TYW1: variants seen among roughly 807,000 people sequenced by gnomAD.
TYW1 encodes the protein tRNA-yW synthesizing protein 1 homolog.
In TYW1, 46 loss-of-function variants were observed where a neutral mutation model predicts 96.2. The ratio of observed to expected loss-of-function variants is 0.48; its 90% CI spans 0.38 to 0.61. TYW1 has a LOEUF of 0.61. TYW1 is among the 20% of genes least tolerant of loss of function. The pLI, the probability that TYW1 is intolerant of heterozygous loss-of-function variation, is 0.00. For missense variants in TYW1, 684 were observed against 909.6 expected, an observed-to-expected ratio of 0.75 and a Z score of 3.19; for synonymous variants, 274 against 323.0, an observed-to-expected ratio of 0.85 and a Z score of 1.63.
intron 15 of TYW1, among the ~76,000 whole-genome samples, chr7:67,219,611 T>C (rs1377211309): frequency 6.6e-6 from 1 of 152,228 alleles, no homozygotes; most frequent in South Asian, 2.1e-4. Context: ...GACTTAGTCT[T>C]GGTAGATTTC....
chr7:67,094,765 G>A (rs1220619200), intron 11 of TYW1, among the ~76,000 whole-genome samples: 1 of 151,854 alleles, frequency 6.6e-6, no homozygotes, highest in Non-Finnish European at 1.5e-5. Context: ...AAGAATGTGT[G>A]TTCTGAGCTC....
chr7:67,178,287 T>C (rs1799740461), intron 13 of TYW1, among the ~76,000 whole-genome samples: 1 of 152,228 alleles, frequency 6.6e-6, no homozygotes, highest in Non-Finnish European at 1.5e-5. Flanking sequence ...AGTAGTGTGT[T>C]CATACAATGT....
chr7:67,199,424 C>G (rs1444243371), intron 15 of TYW1, among the ~76,000 whole-genome samples: 1 of 152,260 alleles, frequency 6.6e-6, no homozygotes, highest in African/African-American at 2.4e-5. Flanking sequence ...TCCTTTGCAC[C>G]TGATAAGCTA....
intron 10 of TYW1, among the ~76,000 whole-genome samples, chr7:67,070,859 C>T (rs549022139): frequency 2.6e-5 from 4 of 152,170 alleles, no homozygotes; most frequent in East Asian, 1.9e-4. Flanking sequence ...TGGCCTGGCA[C>T]GGTGGCTCAT....
At position 67,142,198 on chromosome 7, in the gene TYW1, C is replaced by T. The variant is rs574283022; in HGVS notation, c.1698+24580C>T. On this transcript the variant is annotated intron_variant, in intron 13 of 15. Transcript: ENST00000359626. ...GCAGCCTTGAACCCCTGGGCTCAAA[C>T]AATCCTCCCACCTCAGTTGCCGGAG... Among the ~76,000 whole-genome samples, 4 of 151,286 alleles carry T rather than the reference C, an allele frequency of 2.6e-5. No individual in the cohort carries two copies. In the South Asian group the frequency reaches 8.4e-4, roughly 32 times the overall value.
At chr7:67,098,042 G>A in intron 11 of TYW1, among the ~76,000 whole-genome samples, 1 of 152,086 alleles carries the variant, frequency 6.6e-6, no homozygotes, top group Admixed American at 6.6e-5. Context: ...ATTCCAGTAT[G>A]AAGTATGAAT....
intron 15 of TYW1, among the ~76,000 whole-genome samples, chr7:67,217,637 T>G (rs1352291598): frequency 6.6e-6 from 1 of 152,180 alleles, no homozygotes; most frequent in African/African-American, 2.4e-5. Flanking sequence ...TCACACTGTT[T>G]TGATTATTAT....
intron 14 of TYW1, among the ~76,000 whole-genome samples, chr7:67,190,123 G>A (rs1378290743): frequency 6.6e-6 from 1 of 152,064 alleles, no homozygotes; most frequent in Non-Finnish European, 1.5e-5. Flanking sequence ...TGTGTGTAGT[G>A]CTCAATCCTT....
At chr7:67,089,324 G>C (rs578004556) in intron 11 of TYW1, 1 of 1,307,994 alleles carries the variant, frequency 7.6e-7, no homozygotes, top group African/African-American at 1.5e-5. Context: ...CTTTTGGGAG[G>C]GCCCTTCTCG....
chr7:67,112,796 C>T (rs994917816), intron 12 of TYW1, among the ~76,000 whole-genome samples: 3 of 152,202 alleles, frequency 2.0e-5, no homozygotes, highest in Non-Finnish European at 4.4e-5. Context: ...GTGGGAGGCA[C>T]AGGGGAGCCA....
chr7:67,010,866 A>T (rs1157060791), intron 4 of TYW1, among the ~76,000 whole-genome samples: 1 of 152,076 alleles, frequency 6.6e-6, no homozygotes, highest in East Asian at 1.9e-4. Context: ...AGGATTATAG[A>T]TATGCCCAGC....
At chr7:67,019,215 C>T (rs1298139879) in intron 6 of TYW1, among the ~76,000 whole-genome samples, 1 of 152,212 alleles carries the variant, frequency 6.6e-6, no homozygotes, top group Non-Finnish European at 1.5e-5. Flanking sequence ...TCTACAGGCT[C>T]ACACCTTCCC....
chr7:67,010,962 C>T (rs1244402114), intron 4 of TYW1, among the ~76,000 whole-genome samples: 1 of 152,096 alleles, frequency 6.6e-6, no homozygotes, highest in Non-Finnish European at 1.5e-5. Flanking sequence ...GGCAATCCAA[C>T]CAAAAGGTCA....
chr7:67,098,004 A>G (rs1321429200), intron 11 of TYW1, among the ~76,000 whole-genome samples: 2 of 152,070 alleles, frequency 1.3e-5, no homozygotes, highest in Non-Finnish European at 2.9e-5. Flanking sequence ...CCTGGCCTGT[A>G]GAAGTATTTT....
chr7:67,203,069 C>T (rs1584690790), intron 15 of TYW1, among the ~76,000 whole-genome samples: 1 of 152,190 alleles, frequency 6.6e-6, no homozygotes, highest in African/African-American at 2.4e-5. Context: ...GCCATCACCA[C>T]GACCCAGATA....
chr7:67,036,350 CAG>C (rs1315729463), intron 7 of TYW1, among the ~76,000 whole-genome samples: 2 of 152,082 alleles, frequency 1.3e-5, no homozygotes, highest in Non-Finnish European at 2.9e-5. Flanking sequence ...CTCCTCTAAT[CAG>C]AAGCAAAGAC....
intron 4 of TYW1, among the ~76,000 whole-genome samples, chr7:67,010,883 C>T (rs769085446): frequency 1.5e-4 from 23 of 152,062 alleles, no homozygotes; most frequent in Admixed American, 7.9e-4. Context: ...CAGCCCTCCC[C>T]GCTATTTTGA....
At chr7:67,080,701 T>C (rs1234937157) in intron 10 of TYW1, among the ~76,000 whole-genome samples, 1 of 152,120 alleles carries the variant, frequency 6.6e-6, no homozygotes, top group African/African-American at 2.4e-5. Context: ...ACCCAGCTGC[T>C]TTTGGTTTTG....
At chr7:67,028,339 G>C (rs1337926679) in intron 7 of TYW1, among the ~76,000 whole-genome samples, 5 of 152,122 alleles carry the variant, frequency 3.3e-5, no homozygotes, top group African/African-American at 4.8e-5. Flanking sequence ...CTTGAGGTCA[G>C]GAGTTCGAGA....
Sources: allele counts gnomAD v4.1 joint callset (sites outside exome capture counted in the v4.1 genomes callset), GRCh38; gene constraint gnomAD v4.1.1; transcripts MANE v1.5; gene names NCBI Gene and HGNC (gene_info 2026-07-23, HGNC 2026-07-21).